Variants in SYN3 observed in about 807,000 individuals in gnomAD.
The protein encoded by SYN3 is synapsin-3.
A neutral mutation model predicts 65.8 loss-of-function variants in SYN3; 35 were observed. The ratio of observed to expected loss-of-function variants is 0.53; its 90% CI spans 0.41 to 0.70. The LOEUF is 0.70. Ranked by LOEUF, SYN3 falls within the 30% of genes least tolerant of loss-of-function variation. SYN3 has a pLI of 0.00. For missense variants in SYN3, 680 were observed against 749.0 expected, an observed-to-expected ratio of 0.91 and a Z score of 1.08; for synonymous variants, 270 against 292.9, an observed-to-expected ratio of 0.92 and a Z score of 0.80.
chr22:32,920,925 C>G (rs570854817), intron 4 of SYN3, among the ~76,000 whole-genome samples: 1 of 152,248 alleles, frequency 6.6e-6, no homozygotes, highest in African/African-American at 2.4e-5. Context: ...TGAGTTCCTC[C>G]CCAGTTATAG....
chr22:33,047,863 C>CAA (rs58025351), intron 1 of SYN3, among the ~76,000 whole-genome samples: 231 of 52,962 alleles, frequency 4.4e-3, no homozygotes, highest in Non-Finnish European at 5.4e-3. Flanking sequence ...TTTTCATGTG[C>CAA]AAAAAAAAAA....
chr22:32,778,217 C>A (rs143554902), intron 6 of SYN3, among the ~76,000 whole-genome samples: 1 of 152,178 alleles, frequency 6.6e-6, no homozygotes, highest in African/African-American at 2.4e-5. Context: ...AGTTTTCATG[C>A]CCTCTAAGTG....
At chr22:32,742,638 A>G (rs2044809427) in intron 6 of SYN3, among the ~76,000 whole-genome samples, 1 of 152,194 alleles carries the variant, frequency 6.6e-6, no homozygotes, top group Non-Finnish European at 1.5e-5. Context: ...AAGGTCACCC[A>G]GTGAGGAAGC....
At chr22:32,692,155 C>CAAAAAA (rs1188224009) in intron 6 of SYN3, among the ~76,000 whole-genome samples, 62 of 34,344 alleles carry the variant, frequency 1.8e-3, no homozygotes, top group East Asian at 6.8e-3. Flanking sequence ...GACAAAAAGA[C>CAAAAAA]AAAAAAAAAA....
At chr22:32,585,205 C>G (rs1420810292) in intron 7 of SYN3, among the ~76,000 whole-genome samples, 1 of 152,176 alleles carries the variant, frequency 6.6e-6, no homozygotes. Context: ...CTTCTCTTTC[C>G]TTATTCATCC....
At chr22:32,845,766 C>G (rs1336137321) in intron 6 of SYN3, among the ~76,000 whole-genome samples, 1 of 152,162 alleles carries the variant, frequency 6.6e-6, no homozygotes, top group Non-Finnish European at 1.5e-5. Context: ...GAAGGAATGG[C>G]TAGACATGCT....
intron 6 of SYN3, among the ~76,000 whole-genome samples, chr22:32,788,013 G>C (rs1012788413): frequency 6.6e-6 from 1 of 152,114 alleles, no homozygotes; most frequent in Non-Finnish European, 1.5e-5. Flanking sequence ...CCACAGCAGG[G>C]GCAATGCCAC....
intron 4 of SYN3, among the ~76,000 whole-genome samples, chr22:32,870,683 T>C (rs1211449609): frequency 6.6e-6 from 1 of 152,196 alleles, no homozygotes; most frequent in Admixed American, 6.5e-5. Flanking sequence ...ACTGCAGTTT[T>C]TGAAAAATAT....
chr22:32,770,544 G>T (rs549884761), intron 6 of SYN3, among the ~76,000 whole-genome samples: 94 of 152,250 alleles, frequency 6.2e-4, no homozygotes, highest in Non-Finnish European at 1.3e-3. Context: ...CTTTGCACTT[G>T]ATGTTCCCTT....
At chr22:32,596,779 T>C (rs762361146) in intron 6 of SYN3, 43 bp from the exon 7 acceptor site, 41 of 1,596,446 alleles carry the variant, frequency 2.6e-5, no homozygotes, top group Non-Finnish European at 3.2e-5. Context: ...TCTCAGAGCA[T>C]TGCCACCAAG....
intron 6 of SYN3, among the ~76,000 whole-genome samples, chr22:32,762,371 C>T (rs1044792393): frequency 2.6e-5 from 4 of 152,210 alleles, no homozygotes; most frequent in Admixed American, 6.5e-5. Flanking sequence ...CCTGTCCATA[C>T]GTCTTTCCCC....
rs1435956602 is a variant in SYN3, at chr22:32,542,651, TGTGC to T, written c.775-942_775-939del. ...GTGTATGTGTGTGTGTGTGTGTGTG[TGTGC>T]GCGCGCACACAGGCACACACTGGAG... On this transcript the variant is annotated intron_variant, in intron 7 of 13. Coordinates refer to ENST00000358763, the MANE Select transcript of SYN3 (RefSeq NM_003490.4). Among the ~76,000 whole-genome samples, 1,386 of 141,220 alleles carry T rather than the reference TGTGC, an allele frequency of 9.8e-3. 35 individuals carry two copies. Among genetic ancestry groups the T allele is most frequent in the African/African-American group, 0.033 (1,277 of 39,092 alleles). The allele number at this position is 141,220 out of a possible 152,430, so 92.6% of individuals were successfully genotyped here. A position where few individuals can be genotyped will look rare whatever the true frequency, so the allele number is the denominator to read the frequency against.
At chr22:32,690,182 G>A (rs1811107) in intron 6 of SYN3, among the ~76,000 whole-genome samples, 152,257 of 152,258 alleles carry the variant, frequency 1, 76,128 homozygotes, top group Non-Finnish European at 1. Context: ...TCAAAAAAAG[G>A]AAAAAGGCCC....
intron 5 of SYN3, among the ~76,000 whole-genome samples, 200 bp from the exon 6 acceptor site, chr22:32,865,204 C>A (rs571383913): frequency 6.6e-6 from 1 of 152,198 alleles, no homozygotes; most frequent in African/African-American, 2.4e-5. Flanking sequence ...TTAACCCCTC[C>A]ATTTCTGCCC....
intron 1 of SYN3, among the ~76,000 whole-genome samples, chr22:33,028,334 G>A (rs904502675): frequency 3.3e-5 from 5 of 152,188 alleles, no homozygotes; most frequent in Non-Finnish European, 2.9e-5. Context: ...CCTCCTCAGC[G>A]CCTAGCCCCG....
At chr22:32,685,905 T>C (rs992388297) in intron 6 of SYN3, among the ~76,000 whole-genome samples, 4 of 152,346 alleles carry the variant, frequency 2.6e-5, no homozygotes, top group Admixed American at 1.3e-4. Flanking sequence ...TTCCAAATTA[T>C]GTTTCCAAAG....
At chr22:32,553,254 T>G (rs2146310153) in intron 7 of SYN3, among the ~76,000 whole-genome samples, 1 of 152,314 alleles carries the variant, frequency 6.6e-6, no homozygotes, top group East Asian at 1.9e-4. Context: ...TCATGTCCTC[T>G]CCTTAAAGCA....
intron 4 of SYN3, among the ~76,000 whole-genome samples, chr22:32,877,563 G>A (rs76501843): frequency 0.039 from 5,946 of 152,200 alleles, 415 homozygotes; most frequent in African/African-American, 0.13. Context: ...GCACTCCCAT[G>A]CCCAGTTGTG....
chr22:32,612,401 T>C (rs778760405), intron 6 of SYN3, among the ~76,000 whole-genome samples: 9 of 152,196 alleles, frequency 5.9e-5, no homozygotes, highest in Non-Finnish European at 1.2e-4. Context: ...ATAGTTAGTG[T>C]CAGAATTGAA....
Sources: allele counts gnomAD v4.1 joint callset (sites outside exome capture counted in the v4.1 genomes callset), GRCh38; gene constraint gnomAD v4.1.1; transcripts MANE v1.5; gene names NCBI Gene and HGNC (gene_info 2026-07-23, HGNC 2026-07-21).